The following BAZ2B variants were observed in gnomAD, a reference collection of about 807,000 sequenced individuals.
BAZ2B encodes bromodomain adjacent to zinc finger domain 2B, also known as bromodomain adjacent to zinc finger domain protein 2B.
In BAZ2B, 91 loss-of-function variants were observed where a neutral mutation model predicts 246.0. That is an observed-to-expected ratio of 0.37 (90% CI 0.31 to 0.44). The LOEUF (loss-of-function observed/expected upper bound fraction) is 0.44, where lower values mean the gene tolerates loss of function less well. Among genes scored for constraint, BAZ2B ranks in the 20% least tolerant of loss-of-function variants. BAZ2B has a pLI of 1.00. For missense variants in BAZ2B, 2,332 were observed against 2,533.7 expected, an observed-to-expected ratio of 0.92 and a Z score of 1.71; for synonymous variants, 855 against 860.0, an observed-to-expected ratio of 0.99 and a Z score of 0.10.
Position 159,337,686 on chromosome 2 carries a change from A to G in BAZ2B, c.5541T>C (p.His1847=), listed in dbSNP as rs763329190. The change falls in exon 32 of 37, where the codon CAT becomes CAC. Residue 1847 remains histidine (H), a synonymous_variant. Coordinates refer to ENST00000392783, the MANE Select transcript of BAZ2B (RefSeq NM_013450.4). ...HKSFTKLCKE[H]DGEFTGEDES... ...CGTCTTCGCCAGTAAATTCTCCATC[A>G]TGCTCCTTGCACAATTTAGTAAATG... The G allele has an allele frequency of 5.0e-6, 8 of 1,614,144 alleles. No individual in the cohort carries two copies. The highest frequency in any genetic ancestry group is 1.6e-4 in the Middle Eastern group (1 of 6,062).
In BAZ2B at chr2:159,396,709, C is replaced by T. The variant is rs138545963; in HGVS notation, c.3009+636G>A. Among the ~76,000 whole-genome samples, 3 of 152,144 alleles carry T rather than the reference C, an allele frequency of 2.0e-5. No homozygotes were observed. The East Asian group carries it at 5.8e-4, about 29-fold the overall frequency. On this transcript the variant is annotated intron_variant, in intron 19 of 36. Transcript: ENST00000392783. ...AACCAGAATATATTTCATATTCTCT[C>T]ATCAAACAAACTCAAAATTCCCACT... is the stretch of plus-strand genomic sequence containing the variant.
In BAZ2B at chr2:159,423,797, G is replaced by A. The variant is rs188595919; in HGVS notation, c.2466+4144C>T. ...CTAAATATCACATGTTCTCACAAGC[G>A]AGAGCTAAACATTGAATATCCACAA... On this transcript the variant is annotated intron_variant, in intron 13 of 36. Transcript: ENST00000392783. Among the ~76,000 whole-genome samples, 3 of 152,316 alleles carry A rather than the reference G, an allele frequency of 2.0e-5. No homozygotes were observed. The East Asian group carries it at 5.8e-4, about 29-fold the overall frequency.
chr2:159,554,339 A>T (rs1338712058), intron 2 of BAZ2B, among the ~76,000 whole-genome samples: 1 of 152,178 alleles, frequency 6.6e-6, no homozygotes, highest in African/African-American at 2.4e-5. Context: ...GTAAAGCACT[A>T]GATGCTAAAC....
chr2:159,630,055 G>T, the BAZ2B span, among the ~76,000 whole-genome samples: 1 of 152,196 alleles, frequency 6.6e-6, no homozygotes, highest in Non-Finnish European at 1.5e-5. Context: ...GAGCAGAGTA[G>T]TAAAAATAGG....
chr2:159,428,281 A>G, intron 12 of BAZ2B, 30 bp downstream of exon 12: 1 of 1,568,912 alleles, frequency 6.4e-7, no homozygotes, highest in African/African-American at 1.4e-5. Context: ...ATAGGCACCA[A>G]ATGTACATTA....
intron 2 of BAZ2B, among the ~76,000 whole-genome samples, chr2:159,481,548 A>G (rs182437326): frequency 2.0e-5 from 3 of 152,072 alleles, no homozygotes; most frequent in African/African-American, 7.2e-5. Context: ...CCTCCAAAAT[A>G]TCAATTAAAT....
At chr2:159,326,002 G>A in intron 34 of BAZ2B, 84 bp from the exon 35 acceptor site, 1 of 1,142,094 alleles carries the variant, frequency 8.8e-7, no homozygotes, top group South Asian at 1.6e-5. Context: ...AGTCTGACAG[G>A]ACAAATAAGT....
chr2:159,537,795 T>C (rs181304155), intron 2 of BAZ2B, among the ~76,000 whole-genome samples: 59 of 152,340 alleles, frequency 3.9e-4, no homozygotes, highest in African/African-American at 1.3e-3. Flanking sequence ...TCTTTGCTTA[T>C]GCCTTTTTGA....
chr2:159,641,445 T>C, the BAZ2B span, among the ~76,000 whole-genome samples: 10 of 152,232 alleles, frequency 6.6e-5, no homozygotes, highest in African/African-American at 2.2e-4. Flanking sequence ...AATTTCCTTA[T>C]AGACGCTGCA....
At chr2:159,548,437 C>A (rs1380059516) in intron 2 of BAZ2B, among the ~76,000 whole-genome samples, 1 of 152,160 alleles carries the variant, frequency 6.6e-6, no homozygotes, top group African/African-American at 2.4e-5. Flanking sequence ...AATGACTTAA[C>A]TATCACTTAC....
the BAZ2B span, among the ~76,000 whole-genome samples, chr2:159,682,895 T>G: frequency 8.5e-6 from 1 of 117,998 alleles, no homozygotes; most frequent in African/African-American, 2.9e-5. Context: ...GTTTTAGAGA[T>G]AAACTGCCAC....
chr2:159,684,249 A>G, the BAZ2B span, among the ~76,000 whole-genome samples: 1 of 152,238 alleles, frequency 6.6e-6, no homozygotes, highest in Non-Finnish European at 1.5e-5. Flanking sequence ...GGTTTTTGAC[A>G]AGCATGAATA....
At chr2:159,620,666 T>A (rs1244455639), upstream of BAZ2B, among the ~76,000 whole-genome samples, 1 of 152,048 alleles carries the variant, frequency 6.6e-6, no homozygotes, top group Non-Finnish European at 1.5e-5. Context: ...AGTGTAAATA[T>A]GCAGAGATAC....
At chr2:159,638,753 C>T in the BAZ2B span, among the ~76,000 whole-genome samples, 2 of 151,756 alleles carry the variant, frequency 1.3e-5, no homozygotes, top group South Asian at 4.2e-4. Context: ...CCTACAAGAT[C>T]TAGAAAATAG....
chr2:159,425,732 T>C lies in BAZ2B; in HGVS notation c.2466+2209A>G, dbSNP rs1407038147. 2.0e-5 allele frequency among the ~76,000 whole-genome samples: 3 copies of C among 152,196 alleles called. No individual in the cohort carries two copies. In the East Asian group the frequency reaches 5.8e-4, roughly 29 times the overall value. On this transcript the variant is annotated intron_variant, in intron 13 of 36. Coordinates refer to ENST00000392783, the MANE Select transcript of BAZ2B (RefSeq NM_013450.4). ...ACTGCATGGTAGCAGTAGCTTTGTG[T>C]CACACTATATTTTACATCTTCTACA... is the stretch of plus-strand genomic sequence containing the variant.
chr2:159,617,588 A>G (rs930009523), upstream of BAZ2B, among the ~76,000 whole-genome samples: 2 of 152,168 alleles, frequency 1.3e-5, no homozygotes, highest in Non-Finnish European at 2.9e-5. Context: ...AAGAGTAAGT[A>G]AAAATTAAGC....
chr2:159,527,397 A>G (rs2084875719), intron 2 of BAZ2B, among the ~76,000 whole-genome samples: 1 of 152,094 alleles, frequency 6.6e-6, no homozygotes, highest in Non-Finnish European at 1.5e-5. Flanking sequence ...CCCAGTATGT[A>G]GTTTGTTTTT....
At chr2:159,373,739 G>A (rs1338814542) in intron 26 of BAZ2B, among the ~76,000 whole-genome samples, 1 of 152,194 alleles carries the variant, frequency 6.6e-6, no homozygotes, top group Non-Finnish European at 1.5e-5. Context: ...GCTGAGGTGG[G>A]AGGATCGCTT....
intron 8 of BAZ2B, chr2:159,435,421 T>C (rs951558604): frequency 6.6e-6 from 1 of 152,112 alleles, no homozygotes; most frequent in African/African-American, 2.4e-5. Context: ...AGTGGCGCGA[T>C]CTTGGCTCAC....
Sources: allele counts gnomAD v4.1 joint callset (sites outside exome capture counted in the v4.1 genomes callset), GRCh38; gene constraint gnomAD v4.1.1; transcripts MANE v1.5; gene names NCBI Gene and HGNC (gene_info 2026-07-23, HGNC 2026-07-21).